The following TRHDE variants were observed in gnomAD, a reference collection of about 807,000 sequenced individuals.
The protein encoded by TRHDE is thyrotropin-releasing hormone-degrading ectoenzyme.
Under a neutral mutation model 125.7 loss-of-function variants are expected in TRHDE, and 72 were observed. That is an observed-to-expected ratio of 0.57 (90% CI 0.47 to 0.70). TRHDE has a LOEUF of 0.70. Among genes scored for constraint, TRHDE ranks in the 30% least tolerant of loss-of-function variants. The pLI, the probability that TRHDE is intolerant of heterozygous loss-of-function variation, is 0.00. For missense variants in TRHDE, 1,110 were observed against 1,327.1 expected (o/e 0.84, Z 2.54); for synonymous variants, 509 against 509.1 (o/e 1.00, Z 0.00).
At chr12:72,388,066 A>G (rs532402935) in intron 3 of TRHDE, among the ~76,000 whole-genome samples, 4 of 144,030 alleles carry the variant, frequency 2.8e-5, no homozygotes, top group Admixed American at 2.1e-4. Flanking sequence ...TTTCCCTCCT[A>G]CTCCTCTCTG....
chr12:72,288,999 A>G (rs545624672), intron 2 of TRHDE, among the ~76,000 whole-genome samples: 2 of 152,284 alleles, frequency 1.3e-5, no homozygotes, highest in East Asian at 1.9e-4. Context: ...AACTGTGGAA[A>G]TATAGTTTAG....
At chr12:72,120,391 T>C (rs2628432) in intron 2 of TRHDE, among the ~76,000 whole-genome samples, 5 of 151,902 alleles carry the variant, frequency 3.3e-5, no homozygotes, top group African/African-American at 1.2e-4. Context: ...TGTTTTGTAG[T>C]CTTCTCTTTC....
At chr12:72,244,629 T>C (rs1352224047) in intron 2 of TRHDE, among the ~76,000 whole-genome samples, 1 of 152,036 alleles carries the variant, frequency 6.6e-6, no homozygotes, top group Non-Finnish European at 1.5e-5. Context: ...ATAATTAATG[T>C]CCCCATAAAA....
At chr12:72,321,648 G>A (rs185834460) in intron 2 of TRHDE, among the ~76,000 whole-genome samples, 4 of 152,216 alleles carry the variant, frequency 2.6e-5, no homozygotes, top group Admixed American at 2.0e-4. Context: ...TCCTTAAAAT[G>A]TATATACATT....
intron 12 of TRHDE, among the ~76,000 whole-genome samples, chr12:72,578,194 A>G (rs1871085685): frequency 1.3e-5 from 2 of 152,172 alleles, no homozygotes; most frequent in South Asian, 4.1e-4. Context: ...TTTATGAATG[A>G]TCTCCATCAG....
intron 3 of TRHDE, among the ~76,000 whole-genome samples, chr12:72,429,954 G>A (rs1185009013): frequency 1.3e-5 from 2 of 151,654 alleles, no homozygotes; most frequent in African/African-American, 4.8e-5. Flanking sequence ...CTTAAATTCT[G>A]TGGGTTGTCT....
At chr12:72,585,939 G>T (rs1470845927) in intron 12 of TRHDE, among the ~76,000 whole-genome samples, 1 of 152,102 alleles carries the variant, frequency 6.6e-6, no homozygotes, top group South Asian at 2.1e-4. Flanking sequence ...CTTTATGTTT[G>T]GGTAATTACT....
At chr12:72,372,527 A>G (rs956385330) in intron 2 of TRHDE, among the ~76,000 whole-genome samples, 91 of 152,260 alleles carry the variant, frequency 6.0e-4, no homozygotes, top group South Asian at 2.9e-3. Context: ...TTTTAGGTCT[A>G]ACGTTTAAGT....
chr12:72,116,185 T>C (rs1388019273), intron 2 of TRHDE, among the ~76,000 whole-genome samples: 8 of 152,216 alleles, frequency 5.3e-5, no homozygotes, highest in Non-Finnish European at 1.2e-4. Flanking sequence ...GCAAAGGGCA[T>C]GAACTCATTC....
In TRHDE at chr12:72,429,607, T is replaced by C. The variant is rs183708585; in HGVS notation, c.1316-40151T>C. The stretch of plus-strand genomic sequence containing the variant: ...TTAACTTTTGAAGGATCTGCCAGAC[T>C]ATCTTCCAAAGTGTCTGGACCATTC... On this transcript the variant is annotated intron_variant, in intron 3 of 18. Coordinates refer to ENST00000261180, the MANE Select transcript of TRHDE (RefSeq NM_013381.3). Among the ~76,000 whole-genome samples, 16 of 152,146 alleles carry C rather than the reference T, an allele frequency of 1.1e-4. No individual in the cohort carries two copies. In the East Asian group the frequency reaches 2.9e-3, roughly 28 times the overall value.
At chr12:72,515,803 T>G (rs1468820893) in intron 6 of TRHDE, among the ~76,000 whole-genome samples, 1 of 151,994 alleles carries the variant, frequency 6.6e-6, no homozygotes, top group African/African-American at 2.4e-5. Context: ...TAATCCATCT[T>G]GAATTGATTT....
intron 3 of TRHDE, among the ~76,000 whole-genome samples, chr12:72,429,480 C>T (rs1399257871): frequency 3.3e-5 from 5 of 151,900 alleles, no homozygotes; most frequent in African/African-American, 1.2e-4. Flanking sequence ...AATAATGCTG[C>T]TATGAATATT....
chr12:72,537,317 G>T (rs917878758), intron 6 of TRHDE, among the ~76,000 whole-genome samples: 4 of 151,956 alleles, frequency 2.6e-5, no homozygotes, highest in Admixed American at 2.6e-4. Context: ...CTTGTCAAGG[G>T]AGGGGACCTG....
chr12:72,600,452 C>T (rs1275149259), intron 12 of TRHDE, among the ~76,000 whole-genome samples: 1 of 151,892 alleles, frequency 6.6e-6, no homozygotes, highest in Non-Finnish European at 1.5e-5. Flanking sequence ...TTATAGTTCT[C>T]CTTGTAGAGA....
chr12:72,359,171 A>T (rs1053041437), intron 2 of TRHDE, among the ~76,000 whole-genome samples: 4 of 150,998 alleles, frequency 2.6e-5, no homozygotes, highest in African/African-American at 9.7e-5. Context: ...TTACCTTAAC[A>T]GATCACAAGA....
At chr12:72,166,600 G>T (rs1345893288) in intron 2 of TRHDE, among the ~76,000 whole-genome samples, 1 of 152,168 alleles carries the variant, frequency 6.6e-6, no homozygotes, top group Non-Finnish European at 1.5e-5. Context: ...TTAAGTGAAA[G>T]TATTACATAT....
chr12:72,630,304 G>A (rs1199405230), intron 15 of TRHDE, among the ~76,000 whole-genome samples: 1 of 151,736 alleles, frequency 6.6e-6, no homozygotes, highest in Non-Finnish European at 1.5e-5. Context: ...GGTGATGAGT[G>A]TCCCTATAGG....
intron 5 of TRHDE, among the ~76,000 whole-genome samples, chr12:72,481,925 C>T (rs1459163522): frequency 1.3e-5 from 2 of 151,948 alleles, no homozygotes; most frequent in Non-Finnish European, 2.9e-5. Context: ...TTCCCTTAAT[C>T]ATTTTAGTTT....
intron 5 of TRHDE, among the ~76,000 whole-genome samples, chr12:72,490,896 G>T (rs1877645321): frequency 6.6e-6 from 1 of 150,472 alleles, no homozygotes; most frequent in African/African-American, 2.4e-5. Flanking sequence ...AAGTCTAGAG[G>T]TCTAAGATAC....
Sources: gnomAD v4.1 joint callset for allele counts (sites outside exome capture counted in the v4.1 genomes callset) on GRCh38, gnomAD v4.1.1 for gene constraint, MANE v1.5 for transcripts, NCBI Gene and HGNC (gene_info 2026-07-23, HGNC 2026-07-21) for gene names.